Variants in HSPBAP1 observed in about 807,000 individuals in gnomAD.
The protein encoded by HSPBAP1 is HSPB1-associated protein 1.
In HSPBAP1, 27 loss-of-function variants were observed where a neutral mutation model predicts 45.2. That is an observed-to-expected ratio of 0.60 (90% CI 0.44 to 0.82). HSPBAP1 has a LOEUF of 0.82. HSPBAP1 is among the 40% of genes least tolerant of loss of function. The pLI is 0.00. For missense variants in HSPBAP1, 510 were observed against 590.9 expected, an observed-to-expected ratio of 0.86 and a Z score of 1.42; for synonymous variants, 204 against 202.7, an observed-to-expected ratio of 1.01 and a Z score of -0.06.
intron 1 of HSPBAP1, among the ~76,000 whole-genome samples, chr3:122,784,262 A>G (rs1394143753): frequency 2.0e-5 from 3 of 152,252 alleles, no homozygotes; most frequent in African/African-American, 7.2e-5. Flanking sequence ...ATGGGATATA[A>G]ATTGGAATCA....
intron 1 of HSPBAP1, among the ~76,000 whole-genome samples, chr3:122,779,006 C>T (rs753460589): frequency 6.6e-6 from 1 of 151,802 alleles, no homozygotes; most frequent in Admixed American, 6.6e-5. Flanking sequence ...CCATATTGAT[C>T]CTTAATGTGA....
At chr3:122,793,188 T>C (rs1413048704) in intron 1 of HSPBAP1, among the ~76,000 whole-genome samples, 5 of 152,248 alleles carry the variant, frequency 3.3e-5, no homozygotes, top group Admixed American at 3.3e-4. Flanking sequence ...CCAAACCTCA[T>C]CCCCACTTGC....
chr3:122,744,713 T>C (rs940101933), intron 6 of HSPBAP1, among the ~76,000 whole-genome samples: 1 of 152,204 alleles, frequency 6.6e-6, no homozygotes, highest in Non-Finnish European at 1.5e-5. Flanking sequence ...CTTTGGAAAA[T>C]TATACAAAAG....
intron 6 of HSPBAP1, among the ~76,000 whole-genome samples, chr3:122,742,618 C>T (rs112778528): frequency 1.3e-3 from 196 of 152,306 alleles, no homozygotes; most frequent in Non-Finnish European, 2.2e-3. Context: ...GTGAAGATAA[C>T]TTGAAGATAT....
At chr3:122,757,145 G>T (rs1934384025) in intron 4 of HSPBAP1, among the ~76,000 whole-genome samples, 1 of 152,160 alleles carries the variant, frequency 6.6e-6, no homozygotes, top group Admixed American at 6.5e-5. Context: ...AATGTAAAAT[G>T]CATGAATCCT....
rs1934745721 is a variant in HSPBAP1 at position 122,765,497 on chromosome 3, C to T, written c.432+3204G>A. ...TCAGGAGGCTGAGGCAGGAGAATTG[C>T]TTGAACCTAGGAGGCAGAGGTTGCA... On this transcript the variant is annotated intron_variant, in intron 3 of 7. Coordinates refer to ENST00000306103, the MANE Select transcript of HSPBAP1 (RefSeq NM_024610.6). 2.0e-5 allele frequency among the ~76,000 whole-genome samples: 3 copies of T among 150,134 alleles called. No homozygotes were observed. The South Asian group carries it at 6.3e-4, about 31-fold the overall frequency.
At chr3:122,759,194 C>A (rs73856704) in intron 4 of HSPBAP1, 30 bp downstream of exon 4, 98,715 of 1,552,590 alleles carry the variant, frequency 0.064, 832 homozygotes, top group Middle Eastern at 0.083. Flanking sequence ...TCCACACACA[C>A]ACACACACAC....
chr3:122,749,050 T>C (rs1560112747), intron 6 of HSPBAP1, among the ~76,000 whole-genome samples: 1 of 151,866 alleles, frequency 6.6e-6, no homozygotes, highest in Non-Finnish European at 1.5e-5. Context: ...AATAAGTATA[T>C]AAATAAGTAA....
rs1299530533 is a variant in HSPBAP1 at position 122,759,218 on chromosome 3, C to T, written c.569+6G>A. ...ACACACACACACACACACACACACACATTACCTTCCTTGTACCTGGAATAC... is the reference window on the plus strand; with the variant it reads ...ACACACACACACACACACACACACATATTACCTTCCTTGTACCTGGAATAC... On this transcript the variant is annotated splice_donor_region_variant and intron_variant, in intron 4 of 7. Transcript: ENST00000306103. 3 of 1,608,726 alleles carry T rather than the reference C, an allele frequency of 1.9e-6. No individual in the cohort carries two copies. Among genetic ancestry groups the T allele is most frequent in the Non-Finnish European group, 2.5e-6 (3 of 1,177,820 alleles).
chr3:122,776,535 T>C (rs1935198664), intron 2 of HSPBAP1, among the ~76,000 whole-genome samples: 1 of 152,226 alleles, frequency 6.6e-6, no homozygotes, highest in South Asian at 2.1e-4. Flanking sequence ...TAGCTATTGG[T>C]AGTATTGTGT....
At chr3:122,753,378 C>G (rs1374655576) in intron 5 of HSPBAP1, 1 of 743,292 alleles carries the variant, frequency 1.3e-6, no homozygotes, top group Non-Finnish European at 1.5e-6. Flanking sequence ...AGTTTAGGGA[C>G]AGCGGACTTC....
chr3:122,775,652 G>C (rs867003259), intron 2 of HSPBAP1, among the ~76,000 whole-genome samples: 1 of 152,106 alleles, frequency 6.6e-6, no homozygotes, highest in Non-Finnish European at 1.5e-5. Context: ...TGTTGGCAAG[G>C]ATGTGGAAAA....
intron 1 of HSPBAP1, among the ~76,000 whole-genome samples, chr3:122,781,574 A>G (rs1309205177): frequency 6.6e-6 from 1 of 152,136 alleles, no homozygotes; most frequent in Non-Finnish European, 1.5e-5. Flanking sequence ...AGACGGAGAG[A>G]GAGAGGGAGA....
In HSPBAP1 at chr3:122,740,347, A is replaced by G; in HGVS notation, c.1465T>C (p.Ter489ArgextTer67). The stretch of plus-strand genomic sequence containing the variant: ...TTAAAAGTCATCTTCCACTTGAATC[A>G]TAAACTTCTTCCTTGTATCAAAAGT... ...AQLLIQGRSL[*>R] The change falls in exon 8 of 8, where the codon TGA (stop) becomes CGA (arginine). Residue 489 changes from the stop codon to arginine, a stop_lost. Transcript: ENST00000306103. The G allele has an allele frequency of 6.3e-7, 1 of 1,578,898 alleles. No homozygotes were observed.
intron 4 of HSPBAP1, among the ~76,000 whole-genome samples, chr3:122,757,125 T>G (rs948071569): frequency 6.7e-6 from 1 of 149,806 alleles, no homozygotes; most frequent in African/African-American, 2.5e-5. Context: ...CTGCTTTGTT[T>G]GGGTTAAAAA....
intron 2 of HSPBAP1, among the ~76,000 whole-genome samples, chr3:122,775,150 T>A (rs1935146751): frequency 6.6e-6 from 1 of 151,596 alleles, no homozygotes; most frequent in Admixed American, 6.6e-5. Flanking sequence ...AAAATTAATA[T>A]AACTTTATTT....
At chr3:122,750,515 A>ATCTCTATCTATC (rs1553752345) in intron 6 of HSPBAP1, among the ~76,000 whole-genome samples, 2 of 149,038 alleles carry the variant, frequency 1.3e-5, no homozygotes, top group East Asian at 3.9e-4. Flanking sequence ...AAATACATCA[A>ATCTCTATCTATC]TATCTATCTA....
chr3:122,777,133 T>C (rs954301402), intron 2 of HSPBAP1, among the ~76,000 whole-genome samples: 6 of 152,176 alleles, frequency 3.9e-5, no homozygotes, highest in African/African-American at 7.2e-5. Flanking sequence ...CAAAATGTTA[T>C]GATTTTGATT....
chr3:122,789,159 C>T (rs1032094316), intron 1 of HSPBAP1, among the ~76,000 whole-genome samples: 2 of 152,100 alleles, frequency 1.3e-5, no homozygotes, highest in African/African-American at 4.8e-5. Context: ...ATGGTGAGTA[C>T]GGGTCTCCAA....
Sources: allele counts gnomAD v4.1 joint callset (sites outside exome capture counted in the v4.1 genomes callset), GRCh38; gene constraint gnomAD v4.1.1; transcripts MANE v1.5; gene names NCBI Gene and HGNC (gene_info 2026-07-23, HGNC 2026-07-21).